The following PLXNA4 variants were observed in gnomAD, a reference collection of about 807,000 sequenced individuals.
PLXNA4 encodes the protein plexin A4.
Under a neutral mutation model 191.8 loss-of-function variants are expected in PLXNA4, and 44 were observed. That is an observed-to-expected ratio of 0.23 (90% CI 0.18 to 0.29). PLXNA4 has a LOEUF of 0.29. Among genes scored for constraint, PLXNA4 ranks in the 10% least tolerant of loss-of-function variants. PLXNA4 has a pLI of 1.00. For synonymous variants in PLXNA4, 1,082 were observed against 1,009.5 expected (o/e 1.07, Z -1.36); for missense variants, 1,800 against 2,488.8 (o/e 0.72, Z 5.89).
intron 4 of PLXNA4, among the ~76,000 whole-genome samples, chr7:132,260,784 G>C (rs1488828939): frequency 6.6e-6 from 1 of 152,044 alleles, no homozygotes; most frequent in East Asian, 1.9e-4. Context: ...AAACTCCTCT[G>C]TATGATATCA....
intron 3 of PLXNA4, among the ~76,000 whole-genome samples, chr7:132,365,652 T>G (rs1396626790): frequency 6.6e-6 from 1 of 152,156 alleles, no homozygotes; most frequent in Non-Finnish European, 1.5e-5. Flanking sequence ...CCAGGGCTCC[T>G]GATACCCAGG....
intron 2 of PLXNA4, among the ~76,000 whole-genome samples, chr7:132,631,942 T>A (rs780976822): frequency 4.6e-5 from 7 of 152,152 alleles, no homozygotes; most frequent in Middle Eastern, 6.8e-3. Context: ...TTGGATTAAT[T>A]AGTGGAGGAA....
At chr7:132,149,320 C>T (rs1162766825) in intron 25 of PLXNA4, among the ~76,000 whole-genome samples, 1 of 152,182 alleles carries the variant, frequency 6.6e-6, no homozygotes, top group Non-Finnish European at 1.5e-5. Context: ...CCATATTATT[C>T]TCACGGGTCC....
chr7:132,262,633 A>C (rs1799689596), intron 4 of PLXNA4, among the ~76,000 whole-genome samples: 1 of 152,148 alleles, frequency 6.6e-6, no homozygotes. Context: ...CATGGCAATG[A>C]GACTTTTAAA....
intron 3 of PLXNA4, chr7:132,385,326 A>G: frequency 6.3e-7 from 1 of 1,592,330 alleles, no homozygotes; most frequent in Non-Finnish European, 8.5e-7. Context: ...GCAGACTTAG[A>G]CCATGGTGCA....
chr7:132,647,814 A>C (rs568225424), intron 1 of PLXNA4, among the ~76,000 whole-genome samples: 1 of 151,962 alleles, frequency 6.6e-6, no homozygotes, highest in East Asian at 1.9e-4. Context: ...ACACACATAC[A>C]CATACACTCA....
intron 1 of PLXNA4, among the ~76,000 whole-genome samples, chr7:132,522,076 G>T (rs1352478684): frequency 6.6e-6 from 1 of 152,144 alleles, no homozygotes; most frequent in Non-Finnish European, 1.5e-5. Flanking sequence ...TAAAGGGTCA[G>T]ATCCACTGCA....
chr7:132,219,871 G>A (rs1798087728), intron 9 of PLXNA4, among the ~76,000 whole-genome samples: 1 of 152,148 alleles, frequency 6.6e-6, no homozygotes, highest in African/African-American at 2.4e-5. Flanking sequence ...GCAGTATTCA[G>A]TACAGTTACC....
chr7:132,385,311 C>A (rs1028348544), intron 3 of PLXNA4: 2 of 1,604,994 alleles, frequency 1.2e-6, no homozygotes, highest in East Asian at 2.2e-5. Flanking sequence ...AAAGATGAAA[C>A]CTTAGCAGAC....
At chr7:132,536,077 C>T (rs75323182) in intron 1 of PLXNA4, among the ~76,000 whole-genome samples, 2,175 of 152,310 alleles carry the variant, frequency 0.014, 26 homozygotes, top group Middle Eastern at 0.044. Context: ...TGACCTTGGA[C>T]GAGTTACTCT....
chr7:132,271,150 A>G (rs1421718835), intron 4 of PLXNA4: 3 of 152,226 alleles, frequency 2.0e-5, no homozygotes, highest in Non-Finnish European at 4.4e-5. Context: ...CAGAAGAGCC[A>G]CAAGAGGGAA....
chr7:132,312,764 A>G (rs1801795333), intron 3 of PLXNA4, among the ~76,000 whole-genome samples: 1 of 152,206 alleles, frequency 6.6e-6, no homozygotes, highest in South Asian at 2.1e-4. Context: ...AGATGCAGAT[A>G]ATAACAGTAC....
At chr7:132,266,555 A>C (rs1799866152) in intron 4 of PLXNA4, among the ~76,000 whole-genome samples, 2 of 152,194 alleles carry the variant, frequency 1.3e-5, no homozygotes, top group Non-Finnish European at 2.9e-5. Context: ...CTCTCTGTGA[A>C]ATGTCTCATT....
intron 2 of PLXNA4, among the ~76,000 whole-genome samples, chr7:132,500,479 GAGGGGAAGGGGA>G (rs986111104): frequency 6.6e-6 from 1 of 151,750 alleles, no homozygotes; most frequent in Non-Finnish European, 1.5e-5. Context: ...GAAGGAGGGG[GAGGGGAAGGGGA>G]AGGGGAAATA....
chr7:132,561,414 T>TTCC (rs1465459516), intron 1 of PLXNA4, among the ~76,000 whole-genome samples: 1 of 76,910 alleles, frequency 1.3e-5, no homozygotes, highest in South Asian at 5.0e-4. Flanking sequence ...CCTCCTCCTC[T>TTCC]TCCTCCTCCT....
chr7:132,582,337 T>C (rs1232210062), intron 2 of PLXNA4, among the ~76,000 whole-genome samples: 2 of 152,168 alleles, frequency 1.3e-5, no homozygotes, highest in African/African-American at 4.8e-5. Flanking sequence ...ATTTACAAGA[T>C]GGTTGCCAGG....
intron 4 of PLXNA4, among the ~76,000 whole-genome samples, chr7:132,275,049 A>C (rs1800220306): frequency 6.6e-6 from 1 of 152,120 alleles, no homozygotes; most frequent in African/African-American, 2.4e-5. Flanking sequence ...ATAAATATTC[A>C]GGGTCAATAC....
At chr7:132,253,235 T>TC (rs1323800783) in intron 4 of PLXNA4, among the ~76,000 whole-genome samples, 1 of 134,336 alleles carries the variant, frequency 7.4e-6, no homozygotes, top group Non-Finnish European at 1.7e-5. Context: ...CTTTTTTCTT[T>TC]TTTTTTTTTT....
At chr7:132,257,998 T>G (rs1799491636) in intron 4 of PLXNA4, among the ~76,000 whole-genome samples, 1 of 152,208 alleles carries the variant, frequency 6.6e-6, no homozygotes, top group African/African-American at 2.4e-5. Context: ...CTCTCTGAGA[T>G]GGAGGGTGTA....
Sources: allele counts gnomAD v4.1 joint callset (sites outside exome capture counted in the v4.1 genomes callset), GRCh38; gene constraint gnomAD v4.1.1; transcripts MANE v1.5; gene names NCBI Gene and HGNC (gene_info 2026-07-23, HGNC 2026-07-21).